The following TBC1D19 variants were observed in gnomAD, a reference collection of about 807,000 sequenced individuals.
TBC1D19 encodes TBC1 domain family member 19.
In TBC1D19, 60 loss-of-function variants were observed where a neutral mutation model predicts 89.0. That is an observed-to-expected ratio of 0.67 (90% CI 0.55 to 0.84). The LOEUF (loss-of-function observed/expected upper bound fraction) is 0.84. Ranked by LOEUF, TBC1D19 falls within the 40% of genes least tolerant of loss-of-function variation. The pLI, the probability that TBC1D19 is intolerant of heterozygous loss-of-function variation, is 0.00. For missense variants in TBC1D19, 500 were observed against 610.8 expected (o/e 0.82, Z 1.91); for synonymous variants, 189 against 199.7 (o/e 0.95, Z 0.45).
Position 26,688,411 on chromosome 4 carries a change from A to G in TBC1D19, c.954+4A>G. On this transcript the variant is annotated splice_donor_region_variant and intron_variant, in intron 13 of 20. Coordinates refer to ENST00000264866, the MANE Select transcript of TBC1D19 (RefSeq NM_018317.4). The stretch of plus-strand genomic sequence containing the variant: ...ATTTGAAGATTATTTATATCAGGTA[A>G]GTTTAAAAATAAAAATACATAGTGT... 1 of 1,553,258 alleles carries G rather than the reference A, an allele frequency of 6.4e-7. No individual in the cohort carries two copies. Among genetic ancestry groups the G allele is most frequent in the East Asian group, 2.4e-5 (1 of 42,312 alleles).
intron 13 of TBC1D19, among the ~76,000 whole-genome samples, chr4:26,692,958 A>G (rs1714430785): frequency 6.6e-6 from 1 of 152,214 alleles, no homozygotes; most frequent in Non-Finnish European, 1.5e-5. Flanking sequence ...TCAGGGGAAG[A>G]GACAAAGAAC....
chr4:26,767,216 T>G, the TBC1D19 span, among the ~76,000 whole-genome samples: 1 of 152,200 alleles, frequency 6.6e-6, no homozygotes, highest in Non-Finnish European at 1.5e-5. Flanking sequence ...TTTTGTGCTG[T>G]ATTTTCCTCA....
intron 13 of TBC1D19, among the ~76,000 whole-genome samples, chr4:26,708,548 A>C (rs1715906002): frequency 1.3e-5 from 2 of 151,980 alleles, no homozygotes; most frequent in Admixed American, 6.6e-5. Context: ...TATTTCTTCA[A>C]ATATTCTCTC....
intron 11 of TBC1D19, among the ~76,000 whole-genome samples, chr4:26,681,133 A>G (rs1016702122): frequency 6.6e-6 from 1 of 152,180 alleles, no homozygotes; most frequent in Non-Finnish European, 1.5e-5. Flanking sequence ...ATGCATGAGA[A>G]TGTTTAAAAG....
intron 13 of TBC1D19, 40 bp downstream of exon 13, chr4:26,688,447 G>A (rs1441793955): frequency 6.7e-7 from 1 of 1,486,270 alleles, no homozygotes; most frequent in African/African-American, 1.4e-5. Context: ...TCTTGTTTTA[G>A]GTTCTCTATA....
intron 3 of TBC1D19, among the ~76,000 whole-genome samples, chr4:26,616,336 A>C (rs1741700143): frequency 1.3e-5 from 2 of 152,200 alleles, no homozygotes; most frequent in African/African-American, 4.8e-5. Context: ...ATAAGGCATT[A>C]AACCTCTTCT....
At chr4:26,643,557 G>A (rs977981840) in intron 7 of TBC1D19, among the ~76,000 whole-genome samples, 7 of 152,004 alleles carry the variant, frequency 4.6e-5, no homozygotes, top group Non-Finnish European at 7.4e-5. Flanking sequence ...GCTAGCAGAA[G>A]GCAAGAAATA....
chr4:26,795,113 C>A, the TBC1D19 span, among the ~76,000 whole-genome samples: 1 of 152,122 alleles, frequency 6.6e-6, no homozygotes, highest in African/African-American at 2.4e-5. Context: ...ATGCTGGTCC[C>A]CAAGGCCTCA....
At chr4:26,615,215 G>T (rs1486312304) in intron 3 of TBC1D19, among the ~76,000 whole-genome samples, 3 of 151,900 alleles carry the variant, frequency 2.0e-5, no homozygotes, top group South Asian at 4.2e-4. Context: ...TGTTTATTTA[G>T]ATTTAACATC....
chr4:26,792,529 G>A, the TBC1D19 span, among the ~76,000 whole-genome samples: 2 of 152,198 alleles, frequency 1.3e-5, no homozygotes, highest in East Asian at 1.9e-4. Context: ...ATGGGGTCAG[G>A]AAAAGGCCTT....
chr4:26,719,994 C>T (rs111824965), intron 14 of TBC1D19, 87 bp from the exon 15 acceptor site: 10 of 1,089,932 alleles, frequency 9.2e-6, no homozygotes, highest in African/African-American at 3.2e-5. Context: ...TTTAAAATTC[C>T]GTTGTTAGTA....
At chr4:26,724,553 G>T (rs1165738665) in intron 15 of TBC1D19, among the ~76,000 whole-genome samples, 1 of 152,066 alleles carries the variant, frequency 6.6e-6, no homozygotes, top group Non-Finnish European at 1.5e-5. Flanking sequence ...TATGCTCACT[G>T]AAGTCTTTAT....
chr4:26,605,453 T>C (rs1230295875), intron 1 of TBC1D19, among the ~76,000 whole-genome samples: 1 of 151,936 alleles, frequency 6.6e-6, no homozygotes, highest in African/African-American at 2.4e-5. Flanking sequence ...CAGTCTACCA[T>C]TGTTGGACAT....
chr4:26,588,085 G>A (rs998918447), intron 1 of TBC1D19, among the ~76,000 whole-genome samples: 2 of 149,522 alleles, frequency 1.3e-5, no homozygotes, highest in African/African-American at 5.0e-5. Context: ...GAGTGCAGTG[G>A]CATGATCTCG....
At chr4:26,824,168 T>A in the TBC1D19 span, among the ~76,000 whole-genome samples, 1 of 152,348 alleles carries the variant, frequency 6.6e-6, no homozygotes, top group East Asian at 1.9e-4. Flanking sequence ...TGCCACCACA[T>A]GGGGAGAGCA....
At chr4:26,623,893 A>C (rs530878282) in intron 4 of TBC1D19, among the ~76,000 whole-genome samples, 1 of 152,092 alleles carries the variant, frequency 6.6e-6, no homozygotes, top group Non-Finnish European at 1.5e-5. Context: ...CTTTCAGTCT[A>C]TCTCTCCCAA....
At chr4:26,583,698 T>G (rs1436441059), upstream of TBC1D19, among the ~76,000 whole-genome samples, 1 of 152,198 alleles carries the variant, frequency 6.6e-6, no homozygotes, top group Non-Finnish European at 1.5e-5. Context: ...CTGGGTGTTA[T>G]TTTACAGAGG....
At chr4:26,847,106 A>G in the TBC1D19 span, among the ~76,000 whole-genome samples, 2 of 152,176 alleles carry the variant, frequency 1.3e-5, no homozygotes, top group Non-Finnish European at 2.9e-5. Flanking sequence ...CTATGTGTTC[A>G]GTCATTGATT....
chr4:26,851,307 A>ATCTATCTATCTATCTATCTATCTG, the TBC1D19 span, among the ~76,000 whole-genome samples: 6 of 45,378 alleles, frequency 1.3e-4, no homozygotes, highest in African/African-American at 2.8e-4. Context: ...TAAATACCCT[A>ATCTATCTATCTATCTATCTATCTG]TCTATCTATC....
Sources: allele counts gnomAD v4.1 joint callset (sites outside exome capture counted in the v4.1 genomes callset), GRCh38; gene constraint gnomAD v4.1.1; transcripts MANE v1.5; gene names NCBI Gene and HGNC (gene_info 2026-07-23, HGNC 2026-07-21).